The following NLGN4Y variants were observed in gnomAD, a reference collection of about 807,000 sequenced individuals.
NLGN4Y encodes neuroligin-4, Y-linked.
In NLGN4Y, 4 loss-of-function variants were observed where a neutral mutation model predicts 8.4. That is an observed-to-expected ratio of 0.48 (90% CI 0.23 to 1.09). NLGN4Y has a LOEUF of 1.09. NLGN4Y is among the 50% of genes least tolerant of loss of function. NLGN4Y has a pLI of 0.19. For missense variants in NLGN4Y, 90 were observed against 192.3 expected, an observed-to-expected ratio of 0.47 and a Z score of 3.15; for synonymous variants, 35 against 75.6, an observed-to-expected ratio of 0.46 and a Z score of 2.78.
intron 1 of NLGN4Y, among the ~76,000 whole-genome samples, chrY:14,534,779 G>GTGTA (rs2080126123): frequency 3.3e-4 from 10 of 30,665 alleles, no homozygotes; most frequent in African/African-American, 1.3e-3. Flanking sequence ...GTGTGTGTGT[G>GTGTA]TGTGTGTGTG....
chrY:14,612,234 A>T, intron 1 of NLGN4Y, among the ~76,000 whole-genome samples: 1 of 33,266 alleles, frequency 3.0e-5, no homozygotes, highest in East Asian at 8.1e-4. Context: ...GGGTTAGAAC[A>T]TGCTCCCTTA....
chrY:14,570,287 C>G (rs112517719), intron 1 of NLGN4Y, among the ~76,000 whole-genome samples: 80 of 33,684 alleles, frequency 2.4e-3, no homozygotes, highest in African/African-American at 8.3e-3. Context: ...GATAGAGAAG[C>G]GGTCTGGTTT....
chrY:14,787,521 A>G (rs2042971811), intron 4 of NLGN4Y, among the ~76,000 whole-genome samples: 1 of 33,166 alleles, frequency 3.0e-5, no homozygotes. Context: ...AGGGTTTTAG[A>G]ATACTACCAT....
At chrY:14,704,128 T>A in intron 2 of NLGN4Y, among the ~76,000 whole-genome samples, 1 of 33,306 alleles carries the variant, frequency 3.0e-5, no homozygotes, top group Admixed American at 2.8e-4. Flanking sequence ...GACTTCCTCT[T>A]TTCCTAATTG....
chrY:14,701,818 G>T (rs948432720), intron 2 of NLGN4Y, among the ~76,000 whole-genome samples: 1 of 32,313 alleles, frequency 3.1e-5, no homozygotes. Context: ...TTCCATCTGC[G>T]AACTCATAAC....
chrY:14,816,978 G>A (rs1603504325), intron 4 of NLGN4Y, among the ~76,000 whole-genome samples: 1 of 33,405 alleles, frequency 3.0e-5, no homozygotes, highest in Non-Finnish European at 7.4e-5. Context: ...ATCATGAGTA[G>A]TCCAGACAGT....
At chrY:14,704,560 G>A (rs2080869132) in intron 2 of NLGN4Y, among the ~76,000 whole-genome samples, 1 of 33,063 alleles carries the variant, frequency 3.0e-5, no homozygotes. Flanking sequence ...GGTTTGGTTT[G>A]CCAGTATTTT....
chrY:14,541,687 T>A, intron 1 of NLGN4Y, among the ~76,000 whole-genome samples: 1 of 33,354 alleles, frequency 3.0e-5, no homozygotes, highest in Admixed American at 2.7e-4. Context: ...AACCCAGAAT[T>A]TCATATCTAG....
chrY:14,834,028 AG>A (rs2043189205), intron 6 of NLGN4Y, among the ~76,000 whole-genome samples: 1 of 32,041 alleles, frequency 3.1e-5, no homozygotes, highest in Non-Finnish European at 7.6e-5. Flanking sequence ...AGAAAAAAAA[AG>A]ATACGAAAAG....
At chrY:14,546,581 C>G (rs982728839) in intron 1 of NLGN4Y, among the ~76,000 whole-genome samples, 8 of 29,463 alleles carry the variant, frequency 2.7e-4, no homozygotes, top group Non-Finnish European at 5.7e-4. Flanking sequence ...CTCTGTTTGT[C>G]TGTTATTGGT....
At chrY:14,575,526 G>A in intron 1 of NLGN4Y, among the ~76,000 whole-genome samples, 2 of 32,477 alleles carry the variant, frequency 6.2e-5, no homozygotes, top group Non-Finnish European at 7.5e-5. Context: ...CTTTGCCATG[G>A]GTTCAAACTT....
At chrY:14,814,819 G>T (rs2043094456) in intron 4 of NLGN4Y, among the ~76,000 whole-genome samples, 1 of 33,665 alleles carries the variant, frequency 3.0e-5, no homozygotes, top group Non-Finnish European at 7.3e-5. Context: ...AACTGTCTGA[G>T]AAATACTTTT....
chrY:14,731,249 T>G (rs2080971215), intron 4 of NLGN4Y, among the ~76,000 whole-genome samples: 1 of 31,866 alleles, frequency 3.1e-5, no homozygotes, highest in Non-Finnish European at 7.6e-5. Context: ...TGGCCAGGAT[T>G]GTCTCGATCT....
At chrY:14,744,871 C>T in intron 4 of NLGN4Y, among the ~76,000 whole-genome samples, 1 of 33,429 alleles carries the variant, frequency 3.0e-5, no homozygotes, top group African/African-American at 1.2e-4. Flanking sequence ...CTTCTACACA[C>T]AGAAGCAATT....
intron 2 of NLGN4Y, among the ~76,000 whole-genome samples, chrY:14,662,987 A>G (rs2080680208): frequency 3.0e-5 from 1 of 33,201 alleles, no homozygotes; most frequent in African/African-American, 1.2e-4. Flanking sequence ...TAATTTTTGT[A>G]CCCATTAACC....
At chrY:14,539,851 A>G (rs1039042496) in intron 1 of NLGN4Y, among the ~76,000 whole-genome samples, 2 of 33,533 alleles carry the variant, frequency 6.0e-5, no homozygotes, top group South Asian at 1.3e-3. Flanking sequence ...GCAATTATAA[A>G]TGCATAGCAT....
At chrY:14,658,908 T>C (rs2080664412) in intron 2 of NLGN4Y, among the ~76,000 whole-genome samples, 1 of 33,099 alleles carries the variant, frequency 3.0e-5, no homozygotes, top group African/African-American at 1.2e-4. Context: ...AGCTGATTCT[T>C]TGTCTGGCGA....
At chrY:14,588,694 A>G in intron 1 of NLGN4Y, among the ~76,000 whole-genome samples, 15 of 33,603 alleles carry the variant, frequency 4.5e-4, no homozygotes, top group Admixed American at 4.0e-3. Flanking sequence ...TGTGTCTGGA[A>G]TTGGTGGGTT....
chrY:14,742,051 A>T (rs2081007698), intron 4 of NLGN4Y, among the ~76,000 whole-genome samples: 1 of 33,997 alleles, frequency 2.9e-5, no homozygotes, highest in Non-Finnish European at 7.3e-5. Flanking sequence ...ACATTTCATA[A>T]ATTGAGAGAG....
Sources: gnomAD v4.1 joint callset for allele counts (sites outside exome capture counted in the v4.1 genomes callset) on GRCh38, gnomAD v4.1.1 for gene constraint, MANE v1.5 for transcripts, NCBI Gene and HGNC (gene_info 2026-07-23, HGNC 2026-07-21) for gene names.